Variants in CHD6 observed in about 807,000 individuals in gnomAD.
CHD6 encodes ATP-dependent chromatin remodeler CHD6.
Under a neutral mutation model 276.9 loss-of-function variants are expected in CHD6, and 50 were observed. The ratio of observed to expected loss-of-function variants is 0.18; its 90% CI spans 0.14 to 0.23. The LOEUF is 0.23. Ranked by LOEUF, CHD6 falls within the 10% of genes least tolerant of loss-of-function variation. The pLI, the probability that CHD6 is intolerant of heterozygous loss-of-function variation, is 1.00. For missense variants in CHD6, 2,564 were observed against 3,365.8 expected (o/e 0.76, Z 5.89); for synonymous variants, 1,173 against 1,229.3 (o/e 0.95, Z 0.96).
chr20:41,463,720 C>T (rs903042749), intron 17 of CHD6, among the ~76,000 whole-genome samples: 2 of 152,136 alleles, frequency 1.3e-5, no homozygotes, highest in East Asian at 3.8e-4. Flanking sequence ...GACATGACAG[C>T]TAAAGGTAAT....
rs2145743015 is a variant in CHD6 at position 41,466,137 on chromosome 20, G to A, written c.2664+7185C>T. ...GAATTGCTTGAACCCAGGAGGTGGA[G>A]GTTGCAGTGAGCCGAGGTTGCGTCA... On this transcript the variant is annotated intron_variant, in intron 17 of 36. Coordinates refer to ENST00000373233, the MANE Select transcript of CHD6 (RefSeq NM_032221.5). Among the ~76,000 whole-genome samples, 3 of 152,294 alleles carry A rather than the reference G, an allele frequency of 2.0e-5. No individual in the cohort carries two copies. In the South Asian group the frequency reaches 6.2e-4, roughly 32 times the overall value.
At chr20:41,604,851 T>G (rs569628686) in intron 1 of CHD6, among the ~76,000 whole-genome samples, 1 of 152,122 alleles carries the variant, frequency 6.6e-6, no homozygotes, top group Non-Finnish European at 1.5e-5. Context: ...TCAAACTAAT[T>G]GATACTGAAA....
rs561625005 is a variant in CHD6, at chr20:41,592,606, G to A, written c.-24+25734C>T. Among the ~76,000 whole-genome samples the A allele has an allele frequency of 1.4e-4, 22 of 152,282 alleles. No individual in the cohort carries two copies. In the South Asian group the frequency reaches 3.5e-3, roughly 24 times the overall value. ...TACAAATAGAAACTGGAGCTACCAT[G>A]CACACTACATTTGCTGCTGTTCAAA... On this transcript the variant is annotated intron_variant, in intron 1 of 36. Coordinates refer to ENST00000373233, the MANE Select transcript of CHD6 (RefSeq NM_032221.5).
At position 41,489,771 on chromosome 20, in the gene CHD6, G is replaced by C. The variant is rs770167242; in HGVS notation, c.1680+7C>G. The stretch of plus-strand genomic sequence containing the variant: ...TCCCTGGGTCTCTGATCTCACGTGA[G>C]GCTCACCTGGGCGTCTCTGTACACC... On this transcript the variant is annotated splice_region_variant and intron_variant, in intron 12 of 36. Transcript: ENST00000373233. 2.2e-5 allele frequency: 35 copies of C among 1,613,790 alleles called. No individual in the cohort carries two copies. The South Asian group carries it at 3.7e-4, about 17-fold the overall frequency.
In CHD6 at chr20:41,420,805, C is replaced by T; in HGVS notation, c.5830G>A (p.Glu1944Lys). Residue 1944 changes from glutamate to lysine, a missense_variant, in exon 31 of 37, where the codon GAG (glutamate) becomes AAG (lysine). Around this residue, in one of 7 missense-constraint regions of CHD6, gnomAD observed 1,024 missense variants for 1,047.9 expected, o/e 0.98. Transcript: ENST00000373233. ...TTCTCGAGGCCATGCATCCACCTCT[C>T]CATGTGTTTGCAGTGGCACTGACAG... ...AACQCHCKHM[E>K]RWMHGLENDE... 6.2e-7 allele frequency: 1 copy of T among 1,614,194 alleles called. No homozygotes were observed. Among genetic ancestry groups the T allele is most frequent in the Non-Finnish European group, 8.5e-7 (1 of 1,180,040 alleles).
intron 27 of CHD6, among the ~76,000 whole-genome samples, chr20:41,433,529 G>A (rs1471946488): frequency 1.3e-5 from 2 of 151,988 alleles, no homozygotes; most frequent in Non-Finnish European, 2.9e-5. Context: ...GGAACAAAGG[G>A]GATATTAAGA....
In CHD6 at chr20:41,564,174, T is replaced by C. The variant is rs756465830; in HGVS notation, c.-23-12814A>G. ...GGGCTAAAAACAAAAAGTTACTCTGTTAACATTGAAATGAGAAGCCATCTA... is the reference window on the plus strand; with the variant it reads ...GGGCTAAAAACAAAAAGTTACTCTGCTAACATTGAAATGAGAAGCCATCTA... On this transcript the variant is annotated intron_variant, in intron 1 of 36. Transcript: ENST00000373233. The C allele has an allele frequency of 7.1e-6, 5 of 701,066 alleles. No homozygotes were observed. The Middle Eastern group carries it at 7.0e-4, about 99-fold the overall frequency. The allele number at this position is 701,066 out of a possible 1,614,324, so 43.4% of individuals were successfully genotyped here.
intron 26 of CHD6, 151 bp downstream of exon 26, chr20:41,439,849 G>C (rs1049446795): frequency 1.1e-5 from 8 of 718,682 alleles, no homozygotes; most frequent in African/African-American, 1.8e-5. Flanking sequence ...TGTAACCAAA[G>C]TAGCAATTAT....
chr20:41,543,067 G>A (rs1601120188), intron 2 of CHD6, among the ~76,000 whole-genome samples: 1 of 145,478 alleles, frequency 6.9e-6, no homozygotes, highest in African/African-American at 2.6e-5. Context: ...TTGCGCCACT[G>A]CACTCCAGCC....
intron 2 of CHD6, among the ~76,000 whole-genome samples, chr20:41,534,111 T>G (rs906713476): frequency 4.6e-5 from 7 of 152,220 alleles, no homozygotes; most frequent in Admixed American, 6.5e-5. Context: ...TCAGGTCTGG[T>G]GTTGCAAAAA....
intron 1 of CHD6, among the ~76,000 whole-genome samples, chr20:41,582,330 T>A (rs2045549465): frequency 6.6e-6 from 1 of 152,138 alleles, no homozygotes; most frequent in African/African-American, 2.4e-5. Flanking sequence ...GAGTAGGCAA[T>A]TCCAAGGGGA....
chr20:41,517,333 G>C (rs1029302383), intron 3 of CHD6, among the ~76,000 whole-genome samples: 1 of 152,092 alleles, frequency 6.6e-6, no homozygotes, highest in African/African-American at 2.4e-5. Context: ...ATGGATACTA[G>C]GCTTAATACC....
At chr20:41,437,923 C>G (rs571937121) in intron 26 of CHD6, among the ~76,000 whole-genome samples, 1 of 151,866 alleles carries the variant, frequency 6.6e-6, no homozygotes, top group Non-Finnish European at 1.5e-5. Flanking sequence ...CTTTATTCAA[C>G]TGAGACTGCA....
chr20:41,419,540 G>GGCTGGAAGTCTCTGTCT (rs1207727073), intron 31 of CHD6, among the ~76,000 whole-genome samples: 8 of 91,858 alleles, frequency 8.7e-5, no homozygotes, highest in Non-Finnish European at 1.2e-4. Context: ...GGGTGACAGA[G>GGCTGGAAGTCTCTGTCT]CAAGACTCTG....
chr20:41,592,065 C>A lies in CHD6; in HGVS notation c.-24+26275G>T, dbSNP rs567427741. Among the ~76,000 whole-genome samples the A allele has an allele frequency of 1.2e-3, 181 of 152,240 alleles. 1 individual carries two copies. The highest frequency in any genetic ancestry group is 1.4e-3 in the Non-Finnish European group (94 of 68,022). On this transcript the variant is annotated intron_variant, in intron 1 of 36. Coordinates refer to ENST00000373233, the MANE Select transcript of CHD6 (RefSeq NM_032221.5). ...AGTGAGCCGAGATCGTGCCGCTGCA[C>A]TCCAGCCTGGGCGACAGAGTGAGAC...
rs758323844 is a variant in CHD6, at chr20:41,497,361, T to C, written c.1092+23A>G. ...TGCTGCAAGAAAAGCAGCAGTCAAA[T>C]GAGTCAGTAAATATTGCTTCACCTC... On this transcript the variant is annotated intron_variant, in intron 8 of 36. Transcript: ENST00000373233. 1.3e-5 allele frequency: 19 copies of C among 1,409,758 alleles called. No individual in the cohort carries two copies. In the South Asian group the frequency reaches 2.2e-4, roughly 16 times the overall value. The allele number at this position is 1,409,758 out of a possible 1,614,324, so 87.3% of individuals were successfully genotyped here.
intron 1 of CHD6, among the ~76,000 whole-genome samples, chr20:41,599,521 G>A (rs1417869174): frequency 1.3e-5 from 2 of 152,032 alleles, no homozygotes; most frequent in South Asian, 2.1e-4. Context: ...TCAGGGCAAA[G>A]GCTTATAAAA....
chr20:41,499,809 A>G (rs551970566), intron 5 of CHD6, among the ~76,000 whole-genome samples: 56 of 152,310 alleles, frequency 3.7e-4, no homozygotes, highest in Middle Eastern at 3.4e-3. Context: ...TTAAAAATAC[A>G]TATCTCACTG....
chr20:41,430,118 C>T (rs2047488982), intron 27 of CHD6, among the ~76,000 whole-genome samples: 2 of 152,314 alleles, frequency 1.3e-5, no homozygotes, highest in African/African-American at 4.8e-5. Flanking sequence ...GGCTCAGATG[C>T]CGGCCATCCC....
Sources: gnomAD v4.1 joint callset for allele counts (sites outside exome capture counted in the v4.1 genomes callset) on GRCh38, gnomAD v4.1.1 for gene constraint, gnomAD v4.1.1 regional missense constraint, MANE v1.5 for transcripts, NCBI Gene and HGNC (gene_info 2026-07-23, HGNC 2026-07-21) for gene names.